Variants in C2CD2L observed in about 807,000 individuals in gnomAD.
C2CD2L encodes phospholipid transfer protein C2CD2L.
A neutral mutation model predicts 69.9 loss-of-function variants in C2CD2L; 24 were observed. The ratio of observed to expected loss-of-function variants is 0.34; its 90% CI spans 0.25 to 0.48. The LOEUF is 0.48. Among genes scored for constraint, C2CD2L ranks in the 20% least tolerant of loss-of-function variants. C2CD2L has a pLI of 0.99. For synonymous variants in C2CD2L, 367 were observed against 391.0 expected (o/e 0.94, Z 0.72); for missense variants, 811 against 941.5 (o/e 0.86, Z 1.81).
Position 119,109,226 on chromosome 11 carries a change from C to T in C2CD2L, c.355-878C>T, listed in dbSNP as rs1230645786. 2.0e-5 allele frequency among the ~76,000 whole-genome samples: 3 copies of T among 152,308 alleles called. No homozygotes were observed. Among genetic ancestry groups the T allele is most frequent in the African/African-American group, 4.8e-5 (2 of 41,554 alleles). Reference sequence around the variant, plus strand: ...TACCAGAGCAAAGGAGTTGGCTTCCCCTGGTTTGCCAAGCAAATGAACCCT... The same window carrying T: ...TACCAGAGCAAAGGAGTTGGCTTCCTCTGGTTTGCCAAGCAAATGAACCCT... On this transcript the variant is annotated intron_variant, in intron 1 of 13. Transcript: ENST00000648610. The surrounding 1 kb of genome is among the most constrained non-coding windows in gnomAD (Gnocchi z 5.1).
Position 119,114,727 on chromosome 11 carries a change from C to A in C2CD2L, c.1909+362C>A. 1 of 311,880 alleles carries A rather than the reference C, an allele frequency of 3.2e-6. No individual in the cohort carries two copies. Among genetic ancestry groups the A allele is most frequent in the South Asian group, 3.0e-5 (1 of 33,400 alleles). The allele number at this position is 311,880 out of a possible 1,614,324, so 19.3% of individuals were successfully genotyped here. On this transcript the variant is annotated intron_variant, in intron 13 of 13. Coordinates refer to ENST00000648610, the MANE Select transcript of C2CD2L (RefSeq NM_001290474.2). The surrounding 1 kb of genome is among the most constrained non-coding windows in gnomAD (Gnocchi z 5.1). Reference sequence around the variant, plus strand: ...GCCAAGGCGGGTGGCTTACCTGAGTCCAGGAGTTCAAGACTAGCCTGGGCA... The same window carrying A: ...GCCAAGGCGGGTGGCTTACCTGAGTACAGGAGTTCAAGACTAGCCTGGGCA...
In C2CD2L at chr11:119,110,573, C is replaced by G. The variant is rs1946708999; in HGVS notation, c.463C>G (p.Gln155Glu). ...QSEHTMVLRC[Q>E]LSAEEVRFPV... Reference sequence around the variant, plus strand: ...TCGCCGGTCTCAGGTGCTGCGTTGCCAGCTCTCTGCTGAGGAGGTGCGGTT... The same window carrying G: ...TCGCCGGTCTCAGGTGCTGCGTTGCGAGCTCTCTGCTGAGGAGGTGCGGTT... Residue 155 changes from glutamine to glutamate, a missense_variant, in exon 3 of 14, where the codon CAG (glutamine) becomes GAG (glutamate). Gln to Glu is a conservative substitution (Grantham distance 29). Coordinates refer to ENST00000648610, the MANE Select transcript of C2CD2L (RefSeq NM_001290474.2). This position sits in a 1 kb window ranked among gnomAD's most constrained non-coding sequence, Gnocchi z 5.7. 6.2e-7 allele frequency: 1 copy of G among 1,609,152 alleles called. No homozygotes were observed. Among genetic ancestry groups the G allele is most frequent in the Admixed American group, 1.7e-5 (1 of 59,792 alleles).
chr11:119,115,474 T>C (rs1373187136), intron 13 of C2CD2L: 1 of 154,882 alleles, frequency 6.5e-6, no homozygotes, highest in Non-Finnish European at 1.4e-5. Flanking sequence ...ATCTATTTTT[T>C]AAGCCTGCAT....
upstream of C2CD2L, among the ~76,000 whole-genome samples, chr11:119,105,379 C>T (rs1373239836): frequency 1.3e-5 from 2 of 152,212 alleles, no homozygotes; most frequent in Non-Finnish European, 2.9e-5. Context: ...TGGCTCTCAC[C>T]TGTAATCCCA....
rs896070239 is a variant in C2CD2L, at chr11:119,117,000, A to C, written c.*744A>C. ...AGAGATGGCTTTAGGGGCTTTATTT[A>C]AAGACTGTGATGATGGAGCCACGCA... On this transcript the variant is annotated 3_prime_UTR_variant, in exon 14 of 14. Coordinates refer to ENST00000648610, the MANE Select transcript of C2CD2L (RefSeq NM_001290474.2). 1 of 152,676 alleles carries C rather than the reference A, an allele frequency of 6.5e-6. No homozygotes were observed. Among genetic ancestry groups the C allele is most frequent in the African/African-American group, 2.4e-5 (1 of 41,450 alleles). 9.5% of individuals were successfully genotyped at this position (152,676 alleles called of 1,614,324 possible).
At chr11:119,102,477 T>C, upstream of C2CD2L, 1 of 374,450 alleles carries the variant, frequency 2.7e-6, no homozygotes, top group Non-Finnish European at 5.5e-6. Context: ...CTGTTTTTCT[T>C]GTCCTCGATT....
Position 119,113,048 on chromosome 11 carries a change from T to C in C2CD2L, c.1387+174T>C, listed in dbSNP as rs1946793065. The C allele has an allele frequency of 4.8e-6, 3 of 621,812 alleles. No homozygotes were observed. The African/African-American group carries it at 5.5e-5, about 11-fold the overall frequency. The allele number at this position is 621,812 out of a possible 1,614,324, so 38.5% of individuals were successfully genotyped here. Reference sequence around the variant, plus strand: ...TCTTTGTCTCTTCCAAACTTTCCCTTACCTCCTGCCATTTCCCCAGCAATT... The same window carrying C: ...TCTTTGTCTCTTCCAAACTTTCCCTCACCTCCTGCCATTTCCCCAGCAATT... On this transcript the variant is annotated intron_variant, in intron 10 of 13. Transcript: ENST00000648610.
Position 119,113,843 on chromosome 11 carries a change from C to T in C2CD2L, c.1490-12C>T. 6.2e-7 allele frequency: 1 copy of T among 1,613,548 alleles called. No homozygotes were observed. Among genetic ancestry groups the T allele is most frequent in the Non-Finnish European group, 8.5e-7 (1 of 1,179,504 alleles). On this transcript the variant is annotated splice_polypyrimidine_tract_variant and intron_variant, in intron 11 of 13. Coordinates refer to ENST00000648610, the MANE Select transcript of C2CD2L (RefSeq NM_001290474.2). ...GAGAAGTCAGGTTATTCATTCTCTG[C>T]ACCCCTAGCAGGGGACAGCCACCTT...
At position 119,112,325 on chromosome 11, in the gene C2CD2L, C is replaced by T; in HGVS notation, c.1020-3C>T. The T allele has an allele frequency of 1.2e-6, 2 of 1,611,938 alleles. No homozygotes were observed. Among genetic ancestry groups the T allele is most frequent in the Middle Eastern group, 2.0e-4 (1 of 5,034 alleles). ...TCCTGCCCCATCTCCTCTTGTCCCACAGGGATCTGGGCCCCCAGAGCCGGG... is the reference window on the plus strand; with the variant it reads ...TCCTGCCCCATCTCCTCTTGTCCCATAGGGATCTGGGCCCCCAGAGCCGGG... On this transcript the variant is annotated splice_region_variant and splice_polypyrimidine_tract_variant and intron_variant, in intron 7 of 13. Coordinates refer to ENST00000648610, the MANE Select transcript of C2CD2L (RefSeq NM_001290474.2).
At chr11:119,116,012 C>T (rs1253453105) in intron 13 of C2CD2L, 33 bp from the exon 14 acceptor site, 5 of 1,604,460 alleles carry the variant, frequency 3.1e-6, no homozygotes, top group Non-Finnish European at 4.3e-6. Context: ...CCCCGTGCCC[C>T]TCTCTGCCTC....
Position 119,116,146 on chromosome 11 carries a change from GC to G in C2CD2L, c.2013del (p.Thr672ArgfsTer131). 1 of 1,614,218 alleles carries G rather than the reference GC, an allele frequency of 6.2e-7. No homozygotes were observed. The highest frequency in any genetic ancestry group is 1.3e-5 in the African/African-American group (1 of 75,066). ...ACACGATGACCTCTCCAACGCAACG[GC>G]CACGCCCAGTGTCCGAAAGAAGGCC... ...QSHDDLSNATATPSVRKKAGS... is the reference protein window; with the variant it reads ...QSHDDLSNATXTPSVRKKAGS... On this transcript the variant is annotated frameshift_variant, in exon 14 of 14. Coordinates refer to ENST00000648610, the MANE Select transcript of C2CD2L (RefSeq NM_001290474.2). LOFTEE classifies it high-confidence loss of function.
upstream of C2CD2L, among the ~76,000 whole-genome samples, chr11:119,103,576 A>C (rs1946543566): frequency 6.6e-6 from 1 of 152,172 alleles, no homozygotes; most frequent in Non-Finnish European, 1.5e-5. Flanking sequence ...ACATGCCTGT[A>C]ATCTCAGCTA....
rs1324058045 is a variant in C2CD2L at position 119,116,195 on chromosome 11, T to C, written c.2060T>C (p.Ile687Thr). The C allele has an allele frequency of 1.2e-6, 2 of 1,614,274 alleles. No homozygotes were observed. Among genetic ancestry groups the C allele is most frequent in the Non-Finnish European group, 1.7e-6 (2 of 1,180,056 alleles). ...KKAGSFSRRLIKRFSFKSKPK... is the reference protein window; with the variant it reads ...KKAGSFSRRLTKRFSFKSKPK... ...GCCGGCAGCTTTTCTCGCCGCCTTA[T>C]CAAGCGCTTTTCCTTCAAATCCAAA... The change falls in exon 14 of 14, where the codon ATC becomes ACC. Residue 687 changes from isoleucine to threonine, a missense_variant. Transcript: ENST00000648610.
rs1946838937 is a variant in C2CD2L at position 119,114,617 on chromosome 11, G to A, written c.1909+252G>A. On this transcript the variant is annotated intron_variant, in intron 13 of 13. Coordinates refer to ENST00000648610, the MANE Select transcript of C2CD2L (RefSeq NM_001290474.2). This position sits in a 1 kb window ranked among gnomAD's most constrained non-coding sequence, Gnocchi z 5.1. ...CATTGTTCTTTCTTCCTGAGTCTAA[G>A]TGCCATTTTTCCTGCCCTTTAAAAA... The A allele has an allele frequency of 2.0e-6, 1 of 509,166 alleles. No homozygotes were observed. The highest frequency in any genetic ancestry group is 3.5e-6 in the Non-Finnish European group (1 of 287,716). 31.5% of individuals were successfully genotyped at this position (509,166 alleles called of 1,614,324 possible).
rs1592238408 is a variant in C2CD2L, at chr11:119,110,457, C to T, written c.451-104C>T. On this transcript the variant is annotated intron_variant, in intron 2 of 13. Transcript: ENST00000648610. The surrounding 1 kb of genome is among the most constrained non-coding windows in gnomAD (Gnocchi z 5.7). Reference sequence around the variant, plus strand: ...TTTATGATCCTGAAAACATGAAGTCCTTAGGAAAACGGAAGTGGGGAGGGG... The same window carrying T: ...TTTATGATCCTGAAAACATGAAGTCTTTAGGAAAACGGAAGTGGGGAGGGG... 1 of 1,333,378 alleles carries T rather than the reference C, an allele frequency of 7.5e-7. No individual in the cohort carries two copies. Among genetic ancestry groups the T allele is most frequent in the Non-Finnish European group, 1.0e-6 (1 of 991,694 alleles). 82.6% of individuals were successfully genotyped at this position (1,333,378 alleles called of 1,614,324 possible).
At position 119,116,471 on chromosome 11, in the gene C2CD2L, G is replaced by A. The variant is rs1487544212; in HGVS notation, c.*215G>A. The A allele has an allele frequency of 1.7e-6, 1 of 595,572 alleles. No homozygotes were observed. Among genetic ancestry groups the A allele is most frequent in the Non-Finnish European group, 3.0e-6 (1 of 334,212 alleles). 36.9% of individuals were successfully genotyped at this position (595,572 alleles called of 1,614,324 possible). On this transcript the variant is annotated 3_prime_UTR_variant, in exon 14 of 14. Transcript: ENST00000648610. ...TGCCGAGGACATGGACGAGGGACTG[G>A]TGGCTGGGAGGGAGAGGAGGGCCCT...
At chr11:119,102,860 C>CTTTTT (rs141575057), upstream of C2CD2L, among the ~76,000 whole-genome samples, 13 of 43,454 alleles carry the variant, frequency 3.0e-4, 2 homozygotes, top group East Asian at 3.6e-3. Context: ...AATTCACCAG[C>CTTTTT]TTTTTTTTTT....
Position 119,107,811 on chromosome 11 carries a change from C to T in C2CD2L, c.70C>T (p.Leu24Phe), listed in dbSNP as rs1280335043. 2 of 1,552,282 alleles carry T rather than the reference C, an allele frequency of 1.3e-6. No individual in the cohort carries two copies. Among genetic ancestry groups the T allele is most frequent in the Non-Finnish European group, 1.7e-6 (2 of 1,161,136 alleles). Residue 24 changes from leucine (L) to phenylalanine (F), a missense_variant, in exon 1 of 14, where the codon CTC (leucine) becomes TTC (phenylalanine). Coordinates refer to ENST00000648610, the MANE Select transcript of C2CD2L (RefSeq NM_001290474.2). This position sits in a 1 kb window ranked among gnomAD's most constrained non-coding sequence, Gnocchi z 5.4. ...GCTGATCCTCTTCGCCGCCTCGCTG[C>T]TCACGGTGTTCGCCTGGCTGCTGCA... is the stretch of plus-strand genomic sequence containing the variant. ...ALLILFAASL[L>F]TVFAWLLQYA...
chr11:119,111,073 C>A lies in C2CD2L; in HGVS notation c.703C>A (p.Leu235Ile). 1 of 1,613,998 alleles carries A rather than the reference C, an allele frequency of 6.2e-7. No individual in the cohort carries two copies. Among genetic ancestry groups the A allele is most frequent in the South Asian group, 1.1e-5 (1 of 91,074 alleles). Residue 235 changes from leucine to isoleucine, a missense_variant, in exon 5 of 14, where the codon CTC becomes ATC. Transcript: ENST00000648610. ...ARERGEEQVE[L>I]STIEELIKDA... Reference sequence around the variant, plus strand: ...GCAGAGAGGTGAAGAACAAGTGGAGCTCTCCACAATTGAGGAACTGATCAA... The same window carrying A: ...GCAGAGAGGTGAAGAACAAGTGGAGATCTCCACAATTGAGGAACTGATCAA...
Sources: allele counts gnomAD v4.1 joint callset (sites outside exome capture counted in the v4.1 genomes callset), GRCh38; gene constraint gnomAD v4.1.1; non-coding constraint Gnocchi (gnomAD v3.1); transcripts MANE v1.5; gene names NCBI Gene and HGNC (gene_info 2026-07-23, HGNC 2026-07-21).